The following ABCA6 variants were observed in gnomAD, a reference collection of about 807,000 sequenced individuals.
ABCA6 encodes ATP-binding cassette sub-family A member 6.
Under a neutral mutation model 191.2 loss-of-function variants are expected in ABCA6, and 164 were observed. The observed-to-expected ratio is 0.86, with a 90% CI of 0.76 to 0.98. ABCA6 has a LOEUF of 0.98. Among genes scored for constraint, ABCA6 ranks in the 50% least tolerant of loss-of-function variants. ABCA6 has a pLI of 0.00. For missense variants in ABCA6, 1,958 were observed against 1,894.1 expected (o/e 1.03, Z -0.63); for synonymous variants, 636 against 647.7 (o/e 0.98, Z 0.27).
intron 2 of ABCA6, among the ~76,000 whole-genome samples, chr17:69,140,010 A>C (rs1269608169): frequency 6.6e-6 from 1 of 151,660 alleles, no homozygotes; most frequent in Non-Finnish European, 1.5e-5. Context: ...TGGCGAGTTA[A>C]TGGGTGCAGC....
At chr17:69,133,278 C>T (rs886378380) in intron 6 of ABCA6, among the ~76,000 whole-genome samples, 1 of 152,152 alleles carries the variant, frequency 6.6e-6, no homozygotes, top group Non-Finnish European at 1.5e-5. Flanking sequence ...GAAGACCAGG[C>T]GAGAAAACAA....
intron 32 of ABCA6, 29 bp downstream of exon 32, chr17:69,084,997 GAC>G: frequency 2.5e-6 from 4 of 1,570,782 alleles, no homozygotes; most frequent in Non-Finnish European, 3.4e-6. Flanking sequence ...CCTGCATTCT[GAC>G]ACAAAGGAAT....
At chr17:69,088,049 G>T in intron 28 of ABCA6, 118 bp downstream of exon 28, 1 of 893,036 alleles carries the variant, frequency 1.1e-6, no homozygotes, top group Non-Finnish European at 1.6e-6. Flanking sequence ...ATTCCCTAAT[G>T]ACAATCAACA....
rs2073056190 is a variant in ABCA6, at chr17:69,096,818, AG to A, written c.3121-18del. The A allele has an allele frequency of 1.3e-6, 2 of 1,507,000 alleles. No homozygotes were observed. The highest frequency in any genetic ancestry group is 1.8e-6 in the Non-Finnish European group (2 of 1,132,852). The allele number at this position is 1,507,000 out of a possible 1,614,324, so 93.4% of individuals were successfully genotyped here. A position where few individuals can be genotyped will look rare whatever the true frequency, so the allele number is the denominator to read the frequency against. On this transcript the variant is annotated intron_variant, in intron 23 of 38. Transcript: ENST00000284425. ...AGCATTTTTCTGATTAAAAAAAAAA[AG>A]AAAGAAAGAAATGTATATAGATTCA...
At chr17:69,108,329 C>T (rs2144663124) in intron 17 of ABCA6, 1 of 154,018 alleles carries the variant, frequency 6.5e-6, no homozygotes, top group East Asian at 1.9e-4. Context: ...ATTCTCCTTT[C>T]CCCTTGACTT....
intron 15 of ABCA6, chr17:69,112,918 T>C (rs752856108): frequency 3.0e-5 from 6 of 200,742 alleles, no homozygotes; most frequent in Non-Finnish European, 5.9e-5. Context: ...TATACTCTGA[T>C]GCTAAAGAAT....
intron 13 of ABCA6, among the ~76,000 whole-genome samples, chr17:69,114,529 C>T (rs1384627285): frequency 6.6e-6 from 1 of 152,032 alleles, no homozygotes; most frequent in South Asian, 2.1e-4. Context: ...CTAACCTGCA[C>T]GTTGTGCACA....
rs566780288 is a variant in ABCA6 at position 69,118,323 on chromosome 17, C to T, written c.1437-367G>A. ...CATCCTGCATCGTCTCCAAGTCTTG[C>T]TTATTAGTTTATGAGTCAGACACTC... On this transcript the variant is annotated intron_variant, in intron 10 of 38. Transcript: ENST00000284425. Among the ~76,000 whole-genome samples the T allele has an allele frequency of 7.2e-5, 11 of 152,132 alleles. No individual in the cohort carries two copies. In the East Asian group the frequency reaches 2.1e-3, roughly 30 times the overall value.
rs150394456 is a variant in ABCA6, at chr17:69,097,128, C to T, written c.3121-327G>A. ...ATAAGTATTGGCCAGCATGGTGGCT[C>T]ACGCCTGTAATCCCAGCACTTTGGG... On this transcript the variant is annotated intron_variant, in intron 23 of 38. Transcript: ENST00000284425. 8.6e-3 allele frequency among the ~76,000 whole-genome samples: 1,304 copies of T among 152,314 alleles called. 13 individuals are homozygous for T. Among genetic ancestry groups the T allele is most frequent in the African/African-American group, 0.03 (1,245 of 41,554 alleles).
Position 69,078,921 on chromosome 17 carries a change from C to T in ABCA6, c.*52G>A. On this transcript the variant is annotated 3_prime_UTR_variant, in exon 39 of 39. Transcript: ENST00000284425. ...AAATTAAACATACTATTAATTATTA[C>T]ATAAAACATGAGTTTATAGGAGATC... 2.9e-6 allele frequency: 3 copies of T among 1,050,372 alleles called. 1 individual carries two copies. Among genetic ancestry groups the T allele is most frequent in the Middle Eastern group, 6.4e-4 (2 of 3,112 alleles). 65.1% of individuals were successfully genotyped at this position (1,050,372 alleles called of 1,614,324 possible). A position where few individuals can be genotyped will look rare whatever the true frequency, so the allele number is the denominator to read the frequency against.
At chr17:69,107,219 C>A (rs2073325451) in intron 18 of ABCA6, among the ~76,000 whole-genome samples, 1 of 151,978 alleles carries the variant, frequency 6.6e-6, no homozygotes, top group Non-Finnish European at 1.5e-5. Context: ...GCATATATAT[C>A]AATGTATAGC....
At chr17:69,103,838 A>G (rs575751592) in intron 20 of ABCA6, 29 of 152,148 alleles carry the variant, frequency 1.9e-4, no homozygotes, top group African/African-American at 6.5e-4. Context: ...TCTGAGGAGC[A>G]CAGCTGGGCA....
intron 3 of ABCA6, among the ~76,000 whole-genome samples, chr17:69,136,516 C>G (rs2073950801): frequency 1.3e-5 from 2 of 151,950 alleles, no homozygotes. Context: ...AAAATTGTGC[C>G]AAATTAAGTA....
intron 2 of ABCA6, among the ~76,000 whole-genome samples, chr17:69,140,262 T>A (rs551428533): frequency 6.6e-6 from 1 of 152,196 alleles, no homozygotes; most frequent in African/African-American, 2.4e-5. Context: ...AAAATTCATG[T>A]CCTTGAAAAT....
intron 11 of ABCA6, among the ~76,000 whole-genome samples, chr17:69,116,872 G>C (rs2073547450): frequency 6.6e-6 from 1 of 152,040 alleles, no homozygotes; most frequent in African/African-American, 2.4e-5. Flanking sequence ...GATGTCCAAT[G>C]CTTTTAATTT....
In ABCA6 at chr17:69,111,187, T is replaced by C. The variant is rs562225244; in HGVS notation, c.2133-247A>G. The C allele has an allele frequency of 1.8e-4, 52 of 285,466 alleles. 1 individual carries two copies. In the South Asian group the frequency reaches 3.2e-3, roughly 17 times the overall value. The allele number at this position is 285,466 out of a possible 1,614,324, so 17.7% of individuals were successfully genotyped here. Reference sequence around the variant, plus strand: ...AATATATAATGTAAATGGAACTATATAGAGTTTTATATGTATAGTTATAGA... The same window carrying C: ...AATATATAATGTAAATGGAACTATACAGAGTTTTATATGTATAGTTATAGA... On this transcript the variant is annotated intron_variant, in intron 16 of 38. Coordinates refer to ENST00000284425, the MANE Select transcript of ABCA6 (RefSeq NM_080284.3).
chr17:69,085,625 C>A lies in ABCA6; in HGVS notation c.4029G>T (p.Glu1343Asp). Reference protein sequence around the residue: ...ISGITKPTAGEVELKGCSSVL... With the variant: ...ISGITKPTAGDVELKGCSSVL... ...GAAATGGAAACCATTTCCTCACTAC[C>A]TCTCCAGCAGTTGGCTTTGTGATCC... The change falls in exon 31 of 39, where the codon GAG becomes GAT. Residue 1343 changes from glutamate to aspartate, a missense_variant and splice_region_variant. By Grantham distance (45) the Glu-to-Asp change is conservative (BLOSUM62 2). Coordinates refer to ENST00000284425, the MANE Select transcript of ABCA6 (RefSeq NM_080284.3). 3 of 1,607,130 alleles carry A rather than the reference C, an allele frequency of 1.9e-6. No homozygotes were observed. The highest frequency in any genetic ancestry group is 2.6e-6 in the Non-Finnish European group (3 of 1,175,092).
chr17:69,087,319 C>G (rs1598443522), intron 29 of ABCA6, 34 bp downstream of exon 29: 20 of 1,605,786 alleles, frequency 1.2e-5, no homozygotes, highest in African/African-American at 6.7e-5. Context: ...TTGAATATCT[C>G]CATTAATATC....
chr17:69,096,991 G>A (rs1317244112), intron 23 of ABCA6, among the ~76,000 whole-genome samples, 190 bp from the exon 24 acceptor site: 1 of 152,126 alleles, frequency 6.6e-6, no homozygotes, highest in Non-Finnish European at 1.5e-5. Context: ...TTTACAAGGT[G>A]TCTATCAAAA....
Sources: allele counts gnomAD v4.1 joint callset (sites outside exome capture counted in the v4.1 genomes callset), GRCh38; gene constraint gnomAD v4.1.1; transcripts MANE v1.5; gene names NCBI Gene and HGNC (gene_info 2026-07-23, HGNC 2026-07-21).